The following CFAP77 variants were observed in gnomAD, a reference collection of about 807,000 sequenced individuals.
CFAP77 encodes cilia- and flagella-associated protein 77.
CFAP77 carries 25 observed loss-of-function variants against 31.1 expected under a neutral mutation model. That is an observed-to-expected ratio of 0.80 (90% CI 0.59 to 1.12). The LOEUF is 1.12. Ranked by LOEUF, CFAP77 falls within the 50% of genes most tolerant of loss-of-function variation. The pLI is 0.00. For synonymous variants in CFAP77, 151 were observed against 159.9 expected (o/e 0.94, Z 0.42); for missense variants, 377 against 397.3 (o/e 0.95, Z 0.44).
chr9:132,476,854 C>T (rs1851353880), intron 1 of CFAP77, among the ~76,000 whole-genome samples: 1 of 152,210 alleles, frequency 6.6e-6, no homozygotes, highest in Non-Finnish European at 1.5e-5. Flanking sequence ...CTGCTAACAC[C>T]TTCATTTCAG....
chr9:132,524,906 C>A (rs1852330820), intron 3 of CFAP77, among the ~76,000 whole-genome samples: 1 of 149,462 alleles, frequency 6.7e-6, no homozygotes, highest in African/African-American at 2.4e-5. Context: ...CCTTGGCCTT[C>A]CAAAGTGCTG....
At chr9:132,483,841 G>C (rs188831547) in intron 1 of CFAP77, among the ~76,000 whole-genome samples, 2 of 152,024 alleles carry the variant, frequency 1.3e-5, no homozygotes, top group Non-Finnish European at 2.9e-5. Context: ...TTGTCTGCAC[G>C]TCTTTCCTCT....
chr9:132,545,626 A>G lies in CFAP77; in HGVS notation c.732+2579A>G, dbSNP rs1011109050. On this transcript the variant is annotated intron_variant, in intron 5 of 5. Coordinates refer to ENST00000393216, the MANE Select transcript of CFAP77 (RefSeq NM_001282957.2). The surrounding 1 kb of genome is among the most constrained non-coding windows in gnomAD (Gnocchi z 4.6). ...CCCTGGATGCCACCCTGTCCAACCCAGCAGAGACCCTTAGACACACAGAGT... is the reference window on the plus strand; with the variant it reads ...CCCTGGATGCCACCCTGTCCAACCCGGCAGAGACCCTTAGACACACAGAGT... Among the ~76,000 whole-genome samples the G allele has an allele frequency of 3.9e-5, 6 of 152,222 alleles. No homozygotes were observed. The highest frequency in any genetic ancestry group is 1.4e-4 in the African/African-American group (6 of 41,456).
At chr9:132,503,346 G>T (rs1019024232) in intron 3 of CFAP77, among the ~76,000 whole-genome samples, 1 of 152,206 alleles carries the variant, frequency 6.6e-6, no homozygotes, top group African/African-American at 2.4e-5. Context: ...CTGTGCACTA[G>T]GTCACTAGAT....
intron 3 of CFAP77, among the ~76,000 whole-genome samples, chr9:132,515,962 G>A (rs143726584): frequency 1.6e-4 from 24 of 152,304 alleles, no homozygotes; most frequent in African/African-American, 4.6e-4. Flanking sequence ...TTTAATTGGC[G>A]TAGAACCAGG....
intron 1 of CFAP77, among the ~76,000 whole-genome samples, chr9:132,485,408 T>A (rs1400536825): frequency 6.6e-6 from 1 of 151,944 alleles, no homozygotes; most frequent in Non-Finnish European, 1.5e-5. Context: ...GAAGCCAGAG[T>A]TCCAGCTCGG....
At chr9:132,521,311 A>C (rs1852260963) in intron 3 of CFAP77, among the ~76,000 whole-genome samples, 1 of 152,204 alleles carries the variant, frequency 6.6e-6, no homozygotes, top group Non-Finnish European at 1.5e-5. Flanking sequence ...CCCCAAGGAA[A>C]AGCCCATTTC....
At position 132,539,815 on chromosome 9, in the gene CFAP77, GC is replaced by G. The variant is rs1469826466; in HGVS notation, c.630+2110del. Reference sequence around the variant, plus strand: ...ACTAGTTTATTCGTTAATGGCTCAAGCAAGAGTCCACTTGCTGTGGTGATGG... The same window carrying G: ...ACTAGTTTATTCGTTAATGGCTCAAGAAGAGTCCACTTGCTGTGGTGATGG... On this transcript the variant is annotated intron_variant, in intron 4 of 5. Coordinates refer to ENST00000393216, the MANE Select transcript of CFAP77 (RefSeq NM_001282957.2). This position sits in a 1 kb window ranked among gnomAD's most constrained non-coding sequence, Gnocchi z 4.3. Among the ~76,000 whole-genome samples, 1 of 152,224 alleles carries G rather than the reference GC, an allele frequency of 6.6e-6. No individual in the cohort carries two copies. Among genetic ancestry groups the G allele is most frequent in the Non-Finnish European group, 1.5e-5 (1 of 68,038 alleles).
chr9:132,439,365 C>T (rs10118002), intron 1 of CFAP77, among the ~76,000 whole-genome samples: 1 of 152,100 alleles, frequency 6.6e-6, no homozygotes, highest in Non-Finnish European at 1.5e-5. Context: ...GAATCACTGG[C>T]TTTGGCTTCC....
intron 1 of CFAP77, among the ~76,000 whole-genome samples, chr9:132,464,295 C>T (rs1851113619): frequency 6.6e-6 from 1 of 152,088 alleles, no homozygotes; most frequent in Non-Finnish European, 1.5e-5. Flanking sequence ...CAGAACTCTC[C>T]CAGCATCTCC....
At chr9:132,502,825 G>A (rs1851874738) in intron 3 of CFAP77, among the ~76,000 whole-genome samples, 1 of 152,210 alleles carries the variant, frequency 6.6e-6, no homozygotes, top group Non-Finnish European at 1.5e-5. Context: ...AGACCCCGTA[G>A]TGGGATTGCG....
chr9:132,423,507 TC>T (rs1850262888), intron 1 of CFAP77, among the ~76,000 whole-genome samples: 1 of 152,168 alleles, frequency 6.6e-6, no homozygotes, highest in Non-Finnish European at 1.5e-5. Flanking sequence ...TGACTATCAT[TC>T]CCATTTTACA....
rs1234375855 is a variant in CFAP77 at position 132,422,013 on chromosome 9, C to CT, written c.195+11559dup. 5.9e-3 allele frequency among the ~76,000 whole-genome samples: 853 copies of CT among 143,706 alleles called. 7 individuals are homozygous for CT. The highest frequency in any genetic ancestry group is 0.019 in the African/African-American group (748 of 39,556). The allele number at this position is 143,706 out of a possible 152,430, so 94.3% of individuals were successfully genotyped here. A position where few individuals can be genotyped will look rare whatever the true frequency, so the allele number is the denominator to read the frequency against. On this transcript the variant is annotated intron_variant, in intron 1 of 5. Transcript: ENST00000393216. ...ATAAGACAGCCTTAGTCCCAGGTGG[C>CT]TTTTTTTTTTTTGAGACGGAGTTTT...
At position 132,497,370 on chromosome 9, in the gene CFAP77, C is replaced by T. The variant is rs558625733; in HGVS notation, c.196-1325C>T. On this transcript the variant is annotated intron_variant, in intron 1 of 5. Coordinates refer to ENST00000393216, the MANE Select transcript of CFAP77 (RefSeq NM_001282957.2). The surrounding 1 kb of genome is among the most constrained non-coding windows in gnomAD (Gnocchi z 4.9). The stretch of plus-strand genomic sequence containing the variant: ...GACAGCGAGGCCAGAGCCCACCAGA[C>T]CCTCTGGACAGTCTTTGGCGCAGCC... Among the ~76,000 whole-genome samples the T allele has an allele frequency of 1.3e-5, 2 of 152,368 alleles. No homozygotes were observed. The highest frequency in any genetic ancestry group is 4.1e-4 in the South Asian group (2 of 4,830).
chr9:132,460,114 T>C (rs1297002228), intron 1 of CFAP77, among the ~76,000 whole-genome samples: 2 of 152,172 alleles, frequency 1.3e-5, no homozygotes, highest in Non-Finnish European at 2.9e-5. Context: ...GAAGAGTGTT[T>C]ATGGATGTAC....
chr9:132,438,519 GTATA>G (rs34631762), intron 1 of CFAP77, among the ~76,000 whole-genome samples: 87 of 116,618 alleles, frequency 7.5e-4, no homozygotes, highest in South Asian at 1.8e-3. Context: ...AACAGATATG[GTATA>G]TATATATATA....
chr9:132,410,259 G>C lies in CFAP77; in HGVS notation c.-13G>C. ...AAACCAGCCCGCGGGCCGGCTCCCC[G>C]GCGACCTCAAGGATGCCAGAGGCCA... is the stretch of plus-strand genomic sequence containing the variant. On this transcript the variant is annotated 5_prime_UTR_variant, in exon 1 of 6. Coordinates refer to ENST00000393216, the MANE Select transcript of CFAP77 (RefSeq NM_001282957.2). The C allele has an allele frequency of 6.6e-7, 1 of 1,507,264 alleles. No homozygotes were observed. The highest frequency in any genetic ancestry group is 8.9e-7 in the Non-Finnish European group (1 of 1,124,138). The allele number at this position is 1,507,264 out of a possible 1,614,324, so 93.4% of individuals were successfully genotyped here.
rs1589846325 is a variant in CFAP77 at position 132,431,567 on chromosome 9, A to G, written c.195+21101A>G. On this transcript the variant is annotated intron_variant, in intron 1 of 5. Coordinates refer to ENST00000393216, the MANE Select transcript of CFAP77 (RefSeq NM_001282957.2). ...TAACCCACAGGAATCTAGAAGTGAA[A>G]ATACAATGTCTGAGGTAAAAATTCA... Among the ~76,000 whole-genome samples the G allele has an allele frequency of 2.6e-5, 4 of 152,340 alleles. No homozygotes were observed. In the South Asian group the frequency reaches 8.3e-4, roughly 32 times the overall value.
intron 3 of CFAP77, among the ~76,000 whole-genome samples, chr9:132,515,044 A>G (rs1224866310): frequency 6.6e-6 from 1 of 152,178 alleles, no homozygotes; most frequent in Non-Finnish European, 1.5e-5. Context: ...GGAAAGGCTC[A>G]GAGTTGGGAC....
Sources: allele counts gnomAD v4.1 joint callset (sites outside exome capture counted in the v4.1 genomes callset), GRCh38; gene constraint gnomAD v4.1.1; non-coding constraint Gnocchi (gnomAD v3.1); transcripts MANE v1.5; gene names NCBI Gene and HGNC (gene_info 2026-07-23, HGNC 2026-07-21).